Variants in OPCML observed in about 807,000 individuals in gnomAD.
OPCML encodes opioid-binding protein/cell adhesion molecule.
Under a neutral mutation model 37.8 loss-of-function variants are expected in OPCML, and 13 were observed. That is an observed-to-expected ratio of 0.34 (90% CI 0.22 to 0.55). OPCML has a LOEUF of 0.55. Among genes scored for constraint, OPCML ranks in the 20% least tolerant of loss-of-function variants. OPCML has a pLI of 0.91. For missense variants in OPCML, 341 were observed against 435.6 expected, an observed-to-expected ratio of 0.78 and a Z score of 1.93; for synonymous variants, 176 against 168.8, an observed-to-expected ratio of 1.04 and a Z score of -0.33.
In OPCML at chr11:133,226,498, C is replaced by T. The variant is rs575904798; in HGVS notation, c.62-283488G>A. On this transcript the variant is annotated intron_variant, in intron 1 of 7. Transcript: ENST00000524381. ...CTGAAGGAATTCCATCCCGACATGG[C>T]GGTCCTCTTCCCTTAATTAACTAGA... is the stretch of plus-strand genomic sequence containing the variant. 1.6e-3 allele frequency among the ~76,000 whole-genome samples: 251 copies of T among 152,310 alleles called. 1 individual carries two copies. Among genetic ancestry groups the T allele is most frequent in the African/African-American group, 5.7e-3 (238 of 41,564 alleles).
intron 2 of OPCML, among the ~76,000 whole-genome samples, chr11:132,930,921 A>G (rs1591817104): frequency 1.3e-5 from 2 of 152,232 alleles, no homozygotes; most frequent in African/African-American, 4.8e-5. Flanking sequence ...AACATACTAC[A>G]AAGTTACTGT....
intron 1 of OPCML, among the ~76,000 whole-genome samples, chr11:132,947,736 C>T (rs560668420): frequency 1.8e-4 from 28 of 152,270 alleles, no homozygotes; most frequent in East Asian, 3.9e-4. Flanking sequence ...TATCATGACA[C>T]GGTGGCCCCT....
chr11:133,070,127 G>A (rs1245699792), intron 1 of OPCML, among the ~76,000 whole-genome samples: 1 of 152,134 alleles, frequency 6.6e-6, no homozygotes, highest in Non-Finnish European at 1.5e-5. Context: ...CCACCATAAA[G>A]TGATTTAGGA....
At chr11:132,556,560 A>G (rs780932787) in intron 3 of OPCML, among the ~76,000 whole-genome samples, 14 of 152,206 alleles carry the variant, frequency 9.2e-5, no homozygotes, top group Non-Finnish European at 1.8e-4. Context: ...CAGCTCATCA[A>G]GTAGCTTCTG....
intron 2 of OPCML, among the ~76,000 whole-genome samples, chr11:132,670,524 A>T (rs912053175): frequency 3.3e-5 from 5 of 152,072 alleles, no homozygotes; most frequent in African/African-American, 1.2e-4. Context: ...ATATACTGAA[A>T]ATTGATTTGC....
rs995836334 is a variant in OPCML at position 132,462,203 on chromosome 11, T to C, written c.506-24844A>G. On this transcript the variant is annotated intron_variant, in intron 4 of 7. Coordinates refer to ENST00000524381, the MANE Select transcript of OPCML (RefSeq NM_001012393.5). ...GAGAATTACTTGCTGGTGGGAAGAA[T>C]CCCCCCACCGCACCGCCCCCGCCAC... 2.0e-5 allele frequency among the ~76,000 whole-genome samples: 3 copies of C among 151,594 alleles called. No individual in the cohort carries two copies. The South Asian group carries it at 6.3e-4, about 32-fold the overall frequency.
chr11:133,447,609 A>G (rs1946498697), intron 1 of OPCML, among the ~76,000 whole-genome samples: 1 of 152,216 alleles, frequency 6.6e-6, no homozygotes, highest in Non-Finnish European at 1.5e-5. Flanking sequence ...CTTATAAGTG[A>G]GAACATGCAG....
intron 1 of OPCML, among the ~76,000 whole-genome samples, chr11:133,312,461 A>C (rs544694662): frequency 1.3e-5 from 2 of 151,412 alleles, no homozygotes; most frequent in Admixed American, 1.3e-4. Context: ...GAAATCAGAG[A>C]AGATGAGCCG....
intron 1 of OPCML, among the ~76,000 whole-genome samples, chr11:133,083,361 C>T (rs1209114407): frequency 2.0e-5 from 3 of 152,144 alleles, no homozygotes; most frequent in Non-Finnish European, 4.4e-5. Context: ...GCTCCCACTG[C>T]CCCAGCCTGA....
rs75637796 is a variant in OPCML at position 132,803,252 on chromosome 11, C to T, written c.146+139674G>A. The stretch of plus-strand genomic sequence containing the variant: ...TACTATTAAATTACCCTTAGAAATA[C>T]GCTCCTTGAAGAAAATCAATGCACA... On this transcript the variant is annotated intron_variant, in intron 2 of 7. Coordinates refer to ENST00000524381, the MANE Select transcript of OPCML (RefSeq NM_001012393.5). 3.7e-3 allele frequency among the ~76,000 whole-genome samples: 566 copies of T among 152,280 alleles called. 5 individuals carry two copies. Among genetic ancestry groups the T allele is most frequent in the African/African-American group, 0.013 (526 of 41,562 alleles).
chr11:132,907,858 G>C (rs1944298504), intron 2 of OPCML, among the ~76,000 whole-genome samples: 1 of 152,156 alleles, frequency 6.6e-6, no homozygotes, highest in Non-Finnish European at 1.5e-5. Flanking sequence ...CCACTGAACT[G>C]TGACATCTGT....
rs1938697278 is a variant in OPCML, at chr11:132,802,198, C to A, written c.146+140728G>T. On this transcript the variant is annotated intron_variant, in intron 2 of 7. Transcript: ENST00000524381. Reference sequence around the variant, plus strand: ...TAGCACAAACCGTCACCATCTCTACCCTCTTAACTCTTTCTCCTCCTTCCC... The same window carrying A: ...TAGCACAAACCGTCACCATCTCTACACTCTTAACTCTTTCTCCTCCTTCCC... Among the ~76,000 whole-genome samples the A allele has an allele frequency of 2.6e-5, 4 of 152,174 alleles. No individual in the cohort carries two copies. In the South Asian group the frequency reaches 6.2e-4, roughly 24 times the overall value.
At chr11:133,262,471 T>C (rs528180115) in intron 1 of OPCML, among the ~76,000 whole-genome samples, 67 of 152,126 alleles carry the variant, frequency 4.4e-4, no homozygotes, top group Non-Finnish European at 8.4e-4. Context: ...TTCCTTTAAC[T>C]CTCGCCATGG....
intron 1 of OPCML, among the ~76,000 whole-genome samples, chr11:133,258,477 C>T (rs1941388302): frequency 6.6e-6 from 1 of 152,150 alleles, no homozygotes; most frequent in South Asian, 2.1e-4. Context: ...TCTTCATCAC[C>T]TTAGGGCGTG....
chr11:132,618,494 C>T (rs1200484917), intron 3 of OPCML, among the ~76,000 whole-genome samples: 1 of 152,066 alleles, frequency 6.6e-6, no homozygotes, highest in East Asian at 1.9e-4. Context: ...CAGAGCAAGA[C>T]TCTGTCTCAA....
rs1949509876 is a variant in OPCML at position 133,126,081 on chromosome 11, A to G, written c.62-183071T>C. Among the ~76,000 whole-genome samples the G allele has an allele frequency of 2.6e-5, 4 of 151,332 alleles. No homozygotes were observed. In the South Asian group the frequency reaches 8.4e-4, roughly 32 times the overall value. On this transcript the variant is annotated intron_variant, in intron 1 of 7. Coordinates refer to ENST00000524381, the MANE Select transcript of OPCML (RefSeq NM_001012393.5). ...ATATATATGTACCATACACACACAC[A>G]CACACACACACACATATATGAGAGA...
In OPCML at chr11:132,702,526, T is replaced by G. The variant is rs935348771; in HGVS notation, c.147-45207A>C. On this transcript the variant is annotated intron_variant, in intron 2 of 7. Transcript: ENST00000524381. ...TTGACTTTTGAGAATTTGATTATAA[T>G]GTGTCAAAGTGAAGATCTTTTATGT... is the stretch of plus-strand genomic sequence containing the variant. Among the ~76,000 whole-genome samples, 9 of 152,342 alleles carry G rather than the reference T, an allele frequency of 5.9e-5. 1 individual carries two copies. The highest frequency in any genetic ancestry group is 2.2e-4 in the African/African-American group (9 of 41,578).
At chr11:132,777,875 CATA>C (rs1175823819) in intron 2 of OPCML, among the ~76,000 whole-genome samples, 1 of 152,196 alleles carries the variant, frequency 6.6e-6, no homozygotes, top group Admixed American at 6.5e-5. Context: ...TTCATTCCCA[CATA>C]ATGAGATAAA....
At chr11:133,109,189 T>C (rs1592009234) in intron 1 of OPCML, among the ~76,000 whole-genome samples, 1 of 152,198 alleles carries the variant, frequency 6.6e-6, no homozygotes, top group African/African-American at 2.4e-5. Context: ...GTTCGTGGTC[T>C]TCCTGACTTC....
Sources: allele counts gnomAD v4.1 joint callset (sites outside exome capture counted in the v4.1 genomes callset), GRCh38; gene constraint gnomAD v4.1.1; transcripts MANE v1.5; gene names NCBI Gene and HGNC (gene_info 2026-07-23, HGNC 2026-07-21).